IL1RAPL1: variants seen among roughly 807,000 people sequenced by gnomAD.
IL1RAPL1 encodes the protein interleukin 1 receptor accessory protein like 1, also known as interleukin-1 receptor accessory protein-like 1.
Under a neutral mutation model 48.4 loss-of-function variants are expected in IL1RAPL1, and 3 were observed. That is an observed-to-expected ratio of 0.06 (90% confidence interval 0.03 to 0.16). The LOEUF (loss-of-function observed/expected upper bound fraction) is 0.16, where lower values mean the gene tolerates loss of function less well. Among genes scored for constraint, IL1RAPL1 ranks in the 10% least tolerant of loss-of-function variants. IL1RAPL1 has a pLI of 1.00. For synonymous variants in IL1RAPL1, 185 were observed against 187.7 expected, an observed-to-expected ratio of 0.99 and a Z score of 0.12; for missense variants, 349 against 530.6, an observed-to-expected ratio of 0.66 and a Z score of 3.36.
At chrX:28,996,633 T>C (rs1925732166) in intron 2 of IL1RAPL1, among the ~76,000 whole-genome samples, 1 of 111,471 alleles carries the variant, frequency 9.0e-6, no homozygotes, top group East Asian at 2.8e-4. Flanking sequence ...TGTGTGTGTG[T>C]GTGTGTGATA....
At chrX:28,731,794 A>G (rs1382986489) in intron 1 of IL1RAPL1, among the ~76,000 whole-genome samples, 2 of 111,935 alleles carry the variant, frequency 1.8e-5, no homozygotes, top group East Asian at 5.6e-4. Context: ...CAACTGTCCT[A>G]ATGAAAAGAT....
chrX:29,775,875 C>T (rs1384103070), intron 6 of IL1RAPL1, among the ~76,000 whole-genome samples: 2 of 111,159 alleles, frequency 1.8e-5, no homozygotes, highest in Non-Finnish European at 3.8e-5. Flanking sequence ...TAAAATCATC[C>T]TCCTAGTTAC....
intron 2 of IL1RAPL1, among the ~76,000 whole-genome samples, chrX:29,139,353 A>AG (rs1246559564): frequency 9.0e-6 from 1 of 110,897 alleles, no homozygotes; most frequent in Non-Finnish European, 1.9e-5. Context: ...AAAGGGTAAA[A>AG]AAAAAATAGA....
At chrX:28,639,582 G>C (rs1311846359) in intron 1 of IL1RAPL1, among the ~76,000 whole-genome samples, 1 of 111,809 alleles carries the variant, frequency 8.9e-6, no homozygotes, top group East Asian at 2.8e-4. Context: ...TAACTTGAAG[G>C]ATCTCAGAAG....
rs1320496575 is a variant in IL1RAPL1, at chrX:29,923,638, C to CTTGA, written c.1057+3549_1057+3552dup. On this transcript the variant is annotated intron_variant, in intron 8 of 10. Transcript: ENST00000378993. ...CTTCTTGTTCTTGTTATTGCTCATA[C>CTTGA]TTGATTGAATTCCACATCTGAGTCT... Among the ~76,000 whole-genome samples, 9 of 112,340 alleles carry CTTGA rather than the reference C, an allele frequency of 8.0e-5. No individual in the cohort carries two copies. The South Asian group carries it at 1.1e-3, about 14-fold the overall frequency.
At chrX:29,146,799 A>G (rs1929360855) in intron 2 of IL1RAPL1, among the ~76,000 whole-genome samples, 1 of 112,197 alleles carries the variant, frequency 8.9e-6, no homozygotes, top group Admixed American at 9.5e-5. Flanking sequence ...GATGCTCTCT[A>G]GTTTGAGCAG....
At chrX:28,619,479 T>G (rs1934257603) in intron 1 of IL1RAPL1, among the ~76,000 whole-genome samples, 1 of 108,501 alleles carries the variant, frequency 9.2e-6, no homozygotes, top group African/African-American at 3.4e-5. Context: ...TAGTGGCACA[T>G]GCTTGCAGTC....
chrX:29,460,739 C>T (rs1255749967), intron 5 of IL1RAPL1, among the ~76,000 whole-genome samples: 1 of 111,910 alleles, frequency 8.9e-6, no homozygotes, highest in African/African-American at 3.2e-5. Flanking sequence ...TAAATAACTG[C>T]TTGCTTACCA....
At chrX:29,148,016 G>T (rs1202797894) in intron 2 of IL1RAPL1, among the ~76,000 whole-genome samples, 1 of 111,750 alleles carries the variant, frequency 8.9e-6, no homozygotes, top group Non-Finnish European at 1.9e-5. Flanking sequence ...CTCCATGGAA[G>T]AATTTTGCTC....
At chrX:29,351,943 C>G (rs1462810410) in intron 3 of IL1RAPL1, among the ~76,000 whole-genome samples, 2 of 111,573 alleles carry the variant, frequency 1.8e-5, no homozygotes, top group Non-Finnish European at 3.8e-5. Context: ...AATGACTGAC[C>G]CCTTCCCCAC....
chrX:29,741,938 A>G (rs1226099123), intron 6 of IL1RAPL1, among the ~76,000 whole-genome samples: 7 of 104,886 alleles, frequency 6.7e-5, no homozygotes, highest in Non-Finnish European at 1.4e-4. Flanking sequence ...AAAAAAAGAA[A>G]AAAAAAAAAA....
intron 1 of IL1RAPL1, among the ~76,000 whole-genome samples, chrX:28,669,699 A>G (rs1934926546): frequency 9.6e-6 from 1 of 104,497 alleles, no homozygotes; most frequent in South Asian, 3.8e-4. Flanking sequence ...TTTTATATAT[A>G]AATTATATAT....
At chrX:28,811,604 T>G (rs1262520192) in intron 2 of IL1RAPL1, among the ~76,000 whole-genome samples, 1 of 110,483 alleles carries the variant, frequency 9.1e-6, no homozygotes, top group African/African-American at 3.3e-5. Flanking sequence ...TTACTTGAGT[T>G]GTGGAGATGA....
chrX:28,826,563 A>T lies in IL1RAPL1; in HGVS notation c.82+37138A>T, dbSNP rs191362135. ...CTTTCAAGATGAACAGTCATTTTTG[A>T]CACCCTGCCATCCCCTTGCAACAGA... On this transcript the variant is annotated intron_variant, in intron 2 of 10. Transcript: ENST00000378993. 3.9e-4 allele frequency among the ~76,000 whole-genome samples: 44 copies of T among 111,470 alleles called. No individual in the cohort carries two copies. The Middle Eastern group carries it at 0.014, about 35-fold the overall frequency.
intron 1 of IL1RAPL1, among the ~76,000 whole-genome samples, chrX:28,610,272 G>T (rs1185599744): frequency 8.9e-6 from 1 of 111,875 alleles, no homozygotes; most frequent in African/African-American, 3.3e-5. Context: ...TGTACAGCAG[G>T]CTTCTGGGAC....
At chrX:29,727,553 A>AAG (rs1927806892) in intron 6 of IL1RAPL1, among the ~76,000 whole-genome samples, 1 of 112,033 alleles carries the variant, frequency 8.9e-6, no homozygotes, top group Non-Finnish European at 1.9e-5. Flanking sequence ...TGGGGTCATT[A>AAG]AAATGTGAGA....
At chrX:28,714,582 A>G (rs1935480975) in intron 1 of IL1RAPL1, among the ~76,000 whole-genome samples, 1 of 112,227 alleles carries the variant, frequency 8.9e-6, no homozygotes, top group South Asian at 3.7e-4. Flanking sequence ...GAAAGCATAC[A>G]TTTACCTGTG....
intron 1 of IL1RAPL1, among the ~76,000 whole-genome samples, chrX:28,749,820 CT>C (rs755260957): frequency 3.7e-5 from 4 of 109,330 alleles, no homozygotes; most frequent in Non-Finnish European, 7.6e-5. Context: ...AAAAAATTTG[CT>C]CAGCCCAATG....
intron 2 of IL1RAPL1, among the ~76,000 whole-genome samples, chrX:28,942,832 T>G (rs1352827129): frequency 9.1e-6 from 1 of 110,294 alleles, no homozygotes; most frequent in Non-Finnish European, 1.9e-5. Context: ...ATTTTTAACA[T>G]TTTTCTGAAA....
Sources: allele counts gnomAD v4.1 joint callset (sites outside exome capture counted in the v4.1 genomes callset), GRCh38; gene constraint gnomAD v4.1.1; transcripts MANE v1.5; gene names NCBI Gene and HGNC (gene_info 2026-07-23, HGNC 2026-07-21).